MINDY2: variants seen among roughly 807,000 people sequenced by gnomAD.
The protein encoded by MINDY2 is ubiquitin carboxyl-terminal hydrolase MINDY-2.
A neutral mutation model predicts 68.2 loss-of-function variants in MINDY2; 52 were observed. The ratio of observed to expected loss-of-function variants is 0.76; its 90% CI spans 0.61 to 0.96. The LOEUF is 0.96. Ranked by LOEUF, MINDY2 falls within the 40% of genes least tolerant of loss-of-function variation. MINDY2 has a pLI of 0.00. For missense variants in MINDY2, 881 were observed against 773.4 expected (o/e 1.14, Z -1.65); for synonymous variants, 372 against 303.0 (o/e 1.23, Z -2.36).
chr15:58,827,048 GATTCAGGTTATAT>G (rs1232027091), intron 5 of MINDY2, among the ~76,000 whole-genome samples: 6 of 152,128 alleles, frequency 3.9e-5, no homozygotes, highest in African/African-American at 1.4e-4. Flanking sequence ...CTCATTAGTA[GATTCAGGTTATAT>G]ATTTTTGGCA....
chr15:58,851,983 G>C lies in MINDY2; in HGVS notation c.1737+18G>C, dbSNP rs750615032. The C allele has an allele frequency of 9.0e-6, 14 of 1,559,478 alleles. No individual in the cohort carries two copies. Among genetic ancestry groups the C allele is most frequent in the Non-Finnish European group, 1.1e-5 (13 of 1,158,710 alleles). Reference sequence around the variant, plus strand: ...AGGCTCAGGTAAAAACTAGTGTTTTGAGTCTTAAATGTGATGATCATGGCT... The same window carrying C: ...AGGCTCAGGTAAAAACTAGTGTTTTCAGTCTTAAATGTGATGATCATGGCT... On this transcript the variant is annotated intron_variant, in intron 8 of 8. Coordinates refer to ENST00000559228, the MANE Select transcript of MINDY2 (RefSeq NM_001040450.3).
At chr15:58,789,882 G>A (rs985610877) in intron 2 of MINDY2, among the ~76,000 whole-genome samples, 1 of 151,956 alleles carries the variant, frequency 6.6e-6, no homozygotes, top group African/African-American at 2.4e-5. Flanking sequence ...CCTGACCTCA[G>A]GTGATCCGCC....
rs748930746 is a variant in MINDY2, at chr15:58,831,924, A to ATCT, written c.1368+9_1368+10insCTT. On this transcript the variant is annotated intron_variant, in intron 6 of 8. Coordinates refer to ENST00000559228, the MANE Select transcript of MINDY2 (RefSeq NM_001040450.3). Reference sequence around the variant, plus strand: ...ACCATGACCAAATACAAGGTATGATATAGAAATAGCTATTTAATCGTGATT... The same window carrying ATCT: ...ACCATGACCAAATACAAGGTATGATATCTTAGAAATAGCTATTTAATCGTGATT... 1 of 1,607,126 alleles carries ATCT rather than the reference A, an allele frequency of 6.2e-7. No homozygotes were observed. The highest frequency in any genetic ancestry group is 1.1e-5 in the South Asian group (1 of 89,478).
Position 58,771,353 on chromosome 15 carries a change from A to C in MINDY2, c.-43A>C. 6.4e-7 allele frequency: 1 copy of C among 1,568,568 alleles called. No individual in the cohort carries two copies. The highest frequency in any genetic ancestry group is 8.6e-7 in the Non-Finnish European group (1 of 1,159,866). ...GGCGTCCAAGGCGCTGGCTGCGGAG[A>C]AGTGGCCGCGGTCTCCATAGAGCTG... is the stretch of plus-strand genomic sequence containing the variant. On this transcript the variant is annotated 5_prime_UTR_variant, in exon 1 of 9. Coordinates refer to ENST00000559228, the MANE Select transcript of MINDY2 (RefSeq NM_001040450.3).
intron 1 of MINDY2, among the ~76,000 whole-genome samples, chr15:58,785,661 C>T (rs1425468541): frequency 6.6e-6 from 1 of 152,138 alleles, no homozygotes; most frequent in African/African-American, 2.4e-5. Flanking sequence ...AATCCTAAAA[C>T]TGCTTTAAAA....
chr15:58,842,727 G>C (rs531603629), intron 6 of MINDY2, among the ~76,000 whole-genome samples: 1 of 152,236 alleles, frequency 6.6e-6, no homozygotes, highest in East Asian at 1.9e-4. Flanking sequence ...AGCAGTTAGA[G>C]GCTTTGTACT....
Position 58,852,972 on chromosome 15 carries a change from A to ATTTTTTTTTTTT in MINDY2, c.1737+1007_1737+1008insTTTTTTTTTTTT, listed in dbSNP as rs1567079858. ...TTTTTTTTTTTTTTTTTTTTTTTTA[A>ATTTTTTTTTTTT]GACAGAGTCTCACTCTGTTGCCCAG... On this transcript the variant is annotated intron_variant, in intron 8 of 8. Coordinates refer to ENST00000559228, the MANE Select transcript of MINDY2 (RefSeq NM_001040450.3). 4.7e-3 allele frequency among the ~76,000 whole-genome samples: 82 copies of ATTTTTTTTTTTT among 17,270 alleles called. 29 individuals are homozygous for ATTTTTTTTTTTT. The highest frequency in any genetic ancestry group is 9.5e-3 in the Non-Finnish European group (58 of 6,082). The allele number at this position is 17,270 out of a possible 152,430, so 11.3% of individuals were successfully genotyped here.
chr15:58,796,204 C>G (rs1175031824), intron 2 of MINDY2: 2 of 451,524 alleles, frequency 4.4e-6, no homozygotes, highest in Admixed American at 2.4e-5. Flanking sequence ...GAACATGTGA[C>G]TTGTATCCGG....
At chr15:58,815,286 TA>T (rs1255041538) in intron 4 of MINDY2, 3 of 152,200 alleles carry the variant, frequency 2.0e-5, no homozygotes, top group Non-Finnish European at 4.4e-5. Context: ...CTCATTGCCT[TA>T]AAAGCATCCA....
chr15:58,829,829 C>T (rs2031616149), intron 5 of MINDY2, among the ~76,000 whole-genome samples: 1 of 152,198 alleles, frequency 6.6e-6, no homozygotes, highest in Non-Finnish European at 1.5e-5. Context: ...TAAGTTTTTA[C>T]AACCACTTTG....
In MINDY2 at chr15:58,771,900, G is replaced by C. The variant is rs1900439970; in HGVS notation, c.505G>C (p.Glu169Gln). ...TTGCAGCGACCCGAGCCCTCCTGGGGAATCTCCGAGCCTGGACTCTCTGGA... is the reference window on the plus strand; with the variant it reads ...TTGCAGCGACCCGAGCCCTCCTGGGCAATCTCCGAGCCTGGACTCTCTGGA... ...SSCSDPSPPG[E>Q]SPSLDSLESF... Residue 169 changes from glutamate (E) to glutamine (Q), a missense_variant, in exon 1 of 9, where the codon GAA becomes CAA. Physicochemically the swap from Glu to Gln is conservative, Grantham distance 29 (BLOSUM62 2). Coordinates refer to ENST00000559228, the MANE Select transcript of MINDY2 (RefSeq NM_001040450.3). 6.4e-7 allele frequency: 1 copy of C among 1,562,892 alleles called. No individual in the cohort carries two copies. Among genetic ancestry groups the C allele is most frequent in the East Asian group, 2.2e-5 (1 of 44,470 alleles).
chr15:58,828,735 G>T (rs1377349505), intron 5 of MINDY2, among the ~76,000 whole-genome samples: 1 of 151,604 alleles, frequency 6.6e-6, no homozygotes, highest in Admixed American at 6.6e-5. Context: ...TAATTTTTTT[G>T]TATTTTTAGT....
At chr15:58,850,060 C>A (rs1444974433) in intron 7 of MINDY2, among the ~76,000 whole-genome samples, 1 of 152,132 alleles carries the variant, frequency 6.6e-6, no homozygotes, top group African/African-American at 2.4e-5. Flanking sequence ...ATTTACCCAT[C>A]CTCTGTATTA....
intron 6 of MINDY2, among the ~76,000 whole-genome samples, chr15:58,844,937 A>G (rs1287618444): frequency 6.7e-6 from 1 of 149,644 alleles, no homozygotes; most frequent in East Asian, 2.0e-4. Flanking sequence ...AAAAAAAAAA[A>G]AAAAAATGAA....
intron 2 of MINDY2, among the ~76,000 whole-genome samples, chr15:58,795,640 G>A (rs1020663787): frequency 6.6e-6 from 1 of 152,136 alleles, no homozygotes; most frequent in Non-Finnish European, 1.5e-5. Context: ...TCCTGACCTC[G>A]TGATCCACCC....
At chr15:58,817,032 T>C (rs1439692430) in intron 4 of MINDY2, among the ~76,000 whole-genome samples, 4 of 152,292 alleles carry the variant, frequency 2.6e-5, no homozygotes, top group African/African-American at 9.6e-5. Flanking sequence ...GAAACTATGT[T>C]CCTGATATTA....
chr15:58,793,240 C>T (rs1241907649), intron 2 of MINDY2, among the ~76,000 whole-genome samples: 1 of 152,004 alleles, frequency 6.6e-6, no homozygotes, highest in Non-Finnish European at 1.5e-5. Flanking sequence ...CACTGGAGCT[C>T]AGGAGTTCAA....
chr15:58,805,970 A>G (rs777050477), intron 3 of MINDY2, among the ~76,000 whole-genome samples: 25 of 152,204 alleles, frequency 1.6e-4, no homozygotes, highest in Admixed American at 1.3e-3. Context: ...GCTACTCGAG[A>G]GGCTGAGGCA....
intron 8 of MINDY2, among the ~76,000 whole-genome samples, chr15:58,853,279 A>C (rs150084954): frequency 6.6e-6 from 1 of 151,994 alleles, no homozygotes; most frequent in African/African-American, 2.4e-5. Context: ...ATTCAGATAC[A>C]TAAGAAATTC....
Sources: gnomAD v4.1 joint callset for allele counts (sites outside exome capture counted in the v4.1 genomes callset) on GRCh38, gnomAD v4.1.1 for gene constraint, MANE v1.5 for transcripts, NCBI Gene and HGNC (gene_info 2026-07-23, HGNC 2026-07-21) for gene names.